The following ASXL1 variants were observed in gnomAD, a reference collection of about 807,000 sequenced individuals.
ASXL1 encodes polycomb group protein ASXL1.
ASXL1 carries 65 observed loss-of-function variants against 89.1 expected under a neutral mutation model. The ratio of observed to expected loss-of-function variants is 0.73; its 90% confidence interval spans 0.60 to 0.90. The LOEUF (loss-of-function observed/expected upper bound fraction) is 0.90, where lower values mean the gene tolerates loss of function less well. Among genes scored for constraint, ASXL1 ranks in the 40% least tolerant of loss-of-function variants. ASXL1 has a pLI of 0.00. For missense variants in ASXL1, 1,786 were observed against 1,942.9 expected, an observed-to-expected ratio of 0.92 and a Z score of 1.52; for synonymous variants, 739 against 746.9, an observed-to-expected ratio of 0.99 and a Z score of 0.17.
At chr20:32,400,949 G>A (rs1381658935) in intron 4 of ASXL1, among the ~76,000 whole-genome samples, 1 of 152,148 alleles carries the variant, frequency 6.6e-6, no homozygotes, top group Admixed American at 6.5e-5. Flanking sequence ...TAAGGTGAGA[G>A]GGTAAATCTG....
chr20:32,432,758 A>G, intron 10 of ASXL1, 122 bp from the exon 11 acceptor site: 1 of 1,219,668 alleles, frequency 8.2e-7, no homozygotes, highest in Admixed American at 2.0e-5. Context: ...TCCCTATAAG[A>G]GCATGATGTG....
At chr20:32,361,794 G>C (rs544944323) in intron 1 of ASXL1, among the ~76,000 whole-genome samples, 21 of 151,450 alleles carry the variant, frequency 1.4e-4, no homozygotes, top group African/African-American at 5.1e-4. Context: ...GGCCGGGCAC[G>C]GTGGCTCACG....
intron 8 of ASXL1, chr20:32,431,047 T>C (rs2011497279): frequency 1.6e-6 from 1 of 626,678 alleles, no homozygotes; most frequent in Non-Finnish European, 3.0e-6. Context: ...GCCCCTTGCC[T>C]GATTTTCTGT....
chr20:32,362,046 A>T (rs1006954627), intron 1 of ASXL1, among the ~76,000 whole-genome samples: 2 of 152,170 alleles, frequency 1.3e-5, no homozygotes, highest in Non-Finnish European at 1.5e-5. Context: ...TCCAGCGGCG[A>T]CAGTGAGACT....
intron 4 of ASXL1, among the ~76,000 whole-genome samples, chr20:32,392,549 G>GA (rs2048691654): frequency 6.8e-6 from 1 of 146,578 alleles, no homozygotes; most frequent in Admixed American, 6.8e-5. Flanking sequence ...CAAAGTGTTG[G>GA]AAGGCCGAGG....
intron 4 of ASXL1, among the ~76,000 whole-genome samples, chr20:32,381,196 A>T (rs970586282): frequency 2.0e-5 from 3 of 152,224 alleles, no homozygotes; most frequent in African/African-American, 7.2e-5. Flanking sequence ...AAGTAGTAGA[A>T]GAGAACATTA....
chr20:32,414,984 TTTTGTTTGTTTG>T (rs140588275), intron 4 of ASXL1, among the ~76,000 whole-genome samples: 7 of 150,972 alleles, frequency 4.6e-5, no homozygotes, highest in Middle Eastern at 3.4e-3. Flanking sequence ...TTCTGGTGTT[TTTTGTTTGTTTG>T]TTTGTTTGTT....
rs757533853 is a variant in ASXL1, at chr20:32,434,885, A to G, written c.2173A>G (p.Arg725Gly). The change falls in exon 13 of 13, where the codon AGA (arginine) becomes GGA (glycine). Residue 725 changes from arginine (R) to glycine (G), a missense_variant. By Grantham distance (125) the Arg-to-Gly change is moderately radical. Transcript: ENST00000375687. The stretch of plus-strand genomic sequence containing the variant: ...TAGGAGAGAGGACCTGCCTTCTCTG[A>G]GAAAGGAGGAAAGCTGCCTACTACA... ...RARREDLPSL[R>G]KEESCLLQRA... 1 of 1,614,180 alleles carries G rather than the reference A, an allele frequency of 6.2e-7. No individual in the cohort carries two copies. Among genetic ancestry groups the G allele is most frequent in the Non-Finnish European group, 8.5e-7 (1 of 1,180,014 alleles).
chr20:32,382,918 G>T (rs1175184384), intron 4 of ASXL1, among the ~76,000 whole-genome samples: 1 of 152,092 alleles, frequency 6.6e-6, no homozygotes, highest in Admixed American at 6.6e-5. Flanking sequence ...TTTTAGTGAG[G>T]GAGGAGCTCT....
In ASXL1 at chr20:32,429,519, C is replaced by T. The variant is rs1054658935; in HGVS notation, c.565+88C>T. 14 of 1,355,152 alleles carry T rather than the reference C, an allele frequency of 1.0e-5. No homozygotes were observed. The highest frequency in any genetic ancestry group is 2.2e-4 in the Middle Eastern group (1 of 4,476). The allele number at this position is 1,355,152 out of a possible 1,614,324, so 83.9% of individuals were successfully genotyped here. ...GTCAGCAGTTTCTGACCTAATAGTG[C>T]GATACTAGGAGAGCTGTCGGGCCAC... On this transcript the variant is annotated intron_variant, in intron 7 of 12. Transcript: ENST00000375687. The surrounding 1 kb of genome is among the most constrained non-coding windows in gnomAD (Gnocchi z 4.9).
chr20:32,390,292 A>G (rs1425732708), intron 4 of ASXL1, among the ~76,000 whole-genome samples: 1 of 152,230 alleles, frequency 6.6e-6, no homozygotes, highest in South Asian at 2.1e-4. Context: ...TCTTCAATGC[A>G]TATCACTTTC....
chr20:32,427,949 C>G, intron 4 of ASXL1, 179 bp from the exon 5 acceptor site: 1 of 853,404 alleles, frequency 1.2e-6, no homozygotes, highest in Non-Finnish European at 1.8e-6. Context: ...GTGTATCTAA[C>G]TTTCTTAATG....
intron 4 of ASXL1, among the ~76,000 whole-genome samples, chr20:32,375,341 C>T (rs141018656): frequency 0.011 from 1,687 of 151,534 alleles, 26 homozygotes; most frequent in African/African-American, 0.039. Context: ...CCCAGCTACT[C>T]GGGAGGCTGA....
intron 4 of ASXL1, among the ~76,000 whole-genome samples, chr20:32,381,639 T>C (rs1361536917): frequency 1.3e-5 from 2 of 149,804 alleles, no homozygotes; most frequent in Non-Finnish European, 1.5e-5. Context: ...CTCAGCCTCC[T>C]GAGTAGCTGG....
intron 4 of ASXL1, among the ~76,000 whole-genome samples, chr20:32,408,817 A>T (rs895708730): frequency 1.3e-5 from 2 of 152,128 alleles, no homozygotes; most frequent in Non-Finnish European, 2.9e-5. Context: ...TTGTAGGGAG[A>T]ATTAACTTCT....
chr20:32,378,454 T>C (rs192333498), intron 4 of ASXL1, among the ~76,000 whole-genome samples: 1 of 152,254 alleles, frequency 6.6e-6, no homozygotes, highest in East Asian at 1.9e-4. Flanking sequence ...GCTCAGCCTG[T>C]ACATTTGACA....
chr20:32,433,293 G>T lies in ASXL1; in HGVS notation c.1095G>T (p.Leu365Phe), dbSNP rs2123251887. 2.5e-6 allele frequency: 4 copies of T among 1,614,120 alleles called. No homozygotes were observed. The South Asian group carries it at 4.4e-5, about 18-fold the overall frequency. ...FEDYYGQKLG[L>F]TKEESLQQNV... The stretch of plus-strand genomic sequence containing the variant: ...TGATTTTGATTTGCAGGCTGGGTTT[G>T]ACCAAAGAAGAGTCATTGCAGCAGA... Residue 365 changes from leucine (L) to phenylalanine (F), a missense_variant, in exon 12 of 13, where the codon TTG (leucine) becomes TTT (phenylalanine). Leu to Phe is a conservative substitution (Grantham distance 22, BLOSUM62 0). Transcript: ENST00000375687.
rs753481747 is a variant in ASXL1, at chr20:32,437,740, C to A, written c.*402C>A. ...AATGCCAGTCTTCCACTACCCCCTC[C>A]CTGCCATCTTTTCTTCTGCTACTTT... is the stretch of plus-strand genomic sequence containing the variant. On this transcript the variant is annotated 3_prime_UTR_variant, in exon 13 of 13. Coordinates refer to ENST00000375687, the MANE Select transcript of ASXL1 (RefSeq NM_015338.6). 3.4e-6 allele frequency: 1 copy of A among 294,680 alleles called. No homozygotes were observed. Among genetic ancestry groups the A allele is most frequent in the Non-Finnish European group, 6.4e-6 (1 of 155,814 alleles). 18.3% of individuals were successfully genotyped at this position (294,680 alleles called of 1,614,324 possible).
intron 4 of ASXL1, among the ~76,000 whole-genome samples, chr20:32,406,004 A>G (rs377063531): frequency 1.5e-4 from 23 of 152,128 alleles, no homozygotes; most frequent in African/African-American, 5.6e-4. Flanking sequence ...AGTCATAGTT[A>G]GAAGCCAAGA....
Sources: allele counts gnomAD v4.1 joint callset (sites outside exome capture counted in the v4.1 genomes callset), GRCh38; gene constraint gnomAD v4.1.1; non-coding constraint Gnocchi (gnomAD v3.1); transcripts MANE v1.5; gene names NCBI Gene and HGNC (gene_info 2026-07-23, HGNC 2026-07-21).